The following ASIC2 variants were observed in gnomAD, a reference collection of about 807,000 sequenced individuals.
ASIC2 encodes the protein acid sensing ion channel subunit 2.
A neutral mutation model predicts 57.3 loss-of-function variants in ASIC2; 25 were observed. The observed-to-expected ratio is 0.44, with a 90% CI of 0.32 to 0.61. ASIC2 has a LOEUF of 0.61. Among genes scored for constraint, ASIC2 ranks in the 20% least tolerant of loss-of-function variants. The pLI, the probability that ASIC2 is intolerant of heterozygous loss-of-function variation, is 0.06. For missense variants in ASIC2, 641 were observed against 738.1 expected (o/e 0.87, Z 1.52); for synonymous variants, 319 against 307.5 (o/e 1.04, Z -0.39).
At chr17:33,923,024 A>G (rs1220069339) in intron 1 of ASIC2, among the ~76,000 whole-genome samples, 5 of 152,186 alleles carry the variant, frequency 3.3e-5, no homozygotes, top group African/African-American at 4.8e-5. Context: ...TCTATCCTAG[A>G]GAGGTTTAGT....
intron 1 of ASIC2, among the ~76,000 whole-genome samples, chr17:33,397,273 T>C (rs1280922222): frequency 2.0e-5 from 3 of 152,180 alleles, no homozygotes; most frequent in Non-Finnish European, 4.4e-5. Flanking sequence ...TCCCCTGGAA[T>C]ACAGTTTCTC....
intron 1 of ASIC2, among the ~76,000 whole-genome samples, chr17:33,998,813 T>C (rs1245635160): frequency 2.0e-5 from 3 of 152,166 alleles, no homozygotes; most frequent in African/African-American, 7.2e-5. Context: ...GAATGTTCCA[T>C]GTGCACTTGA....
At chr17:33,281,822 T>A (rs994713377) in intron 1 of ASIC2, among the ~76,000 whole-genome samples, 1 of 152,094 alleles carries the variant, frequency 6.6e-6, no homozygotes, top group Non-Finnish European at 1.5e-5. Flanking sequence ...TGAGTCTCAG[T>A]AAGGGTAAGC....
intron 1 of ASIC2, among the ~76,000 whole-genome samples, chr17:33,686,463 T>C (rs768091422): frequency 6.6e-6 from 1 of 152,182 alleles, no homozygotes; most frequent in East Asian, 1.9e-4. Flanking sequence ...GGCAAAGTCT[T>C]GGCCCATAGG....
intron 1 of ASIC2, among the ~76,000 whole-genome samples, chr17:33,387,048 C>T (rs1395575265): frequency 4.6e-5 from 7 of 151,962 alleles, no homozygotes; most frequent in Admixed American, 6.6e-5. Context: ...CCACCAAGCC[C>T]GGCTAATTTT....
chr17:33,312,975 A>G (rs769017135), intron 1 of ASIC2, among the ~76,000 whole-genome samples: 2 of 152,192 alleles, frequency 1.3e-5, no homozygotes, highest in Non-Finnish European at 2.9e-5. Context: ...ACGATCTTCC[A>G]TATTGGTGAA....
At chr17:34,082,279 AG>A (rs1173385065) in intron 1 of ASIC2, 3 of 152,194 alleles carry the variant, frequency 2.0e-5, no homozygotes, top group Non-Finnish European at 4.4e-5. Flanking sequence ...AGTGATCTCT[AG>A]GTATTGGAAT....
At chr17:33,235,650 G>A (rs1314112927) in intron 1 of ASIC2, among the ~76,000 whole-genome samples, 4 of 152,068 alleles carry the variant, frequency 2.6e-5, no homozygotes, top group East Asian at 1.9e-4. Context: ...CCCTGTCTAC[G>A]TCTTTGCAGA....
At chr17:33,310,376 G>T (rs1053617479) in intron 1 of ASIC2, among the ~76,000 whole-genome samples, 2 of 152,224 alleles carry the variant, frequency 1.3e-5, no homozygotes, top group Admixed American at 6.5e-5. Context: ...GACCTCTAGG[G>T]TTTGTGTTTC....
rs192091243 is a variant in ASIC2, at chr17:33,511,832, G to A, written c.556-399765C>T. 2.4e-3 allele frequency among the ~76,000 whole-genome samples: 367 copies of A among 152,340 alleles called. 8 individuals carry two copies. Among genetic ancestry groups the A allele is most frequent in the Admixed American group, 0.019 (297 of 15,302 alleles). The stretch of plus-strand genomic sequence containing the variant: ...GTCCCTAACAAGGCAGGATGTGGGT[G>A]CTCTGTATATAGTAGGTTTGGAGGC... On this transcript the variant is annotated intron_variant, in intron 1 of 9. Transcript: ENST00000359872.
chr17:33,605,648 G>A (rs1597805042), intron 1 of ASIC2, among the ~76,000 whole-genome samples: 1 of 152,288 alleles, frequency 6.6e-6, no homozygotes, highest in East Asian at 1.9e-4. Flanking sequence ...TGGCAACAAT[G>A]TATACTATTG....
intron 1 of ASIC2, among the ~76,000 whole-genome samples, chr17:33,220,008 G>T (rs1907633735): frequency 6.6e-6 from 1 of 152,158 alleles, no homozygotes; most frequent in African/African-American, 2.4e-5. Flanking sequence ...TCAATAAAAA[G>T]CAGCATTTAA....
chr17:33,444,974 C>T (rs1351054822), intron 1 of ASIC2, among the ~76,000 whole-genome samples: 1 of 152,222 alleles, frequency 6.6e-6, no homozygotes, highest in African/African-American at 2.4e-5. Context: ...TTTCCTGCTA[C>T]ATGGACAGCA....
chr17:33,426,470 G>A (rs921108149), intron 1 of ASIC2, among the ~76,000 whole-genome samples: 14 of 152,214 alleles, frequency 9.2e-5, no homozygotes, highest in African/African-American at 2.9e-4. Flanking sequence ...TGGCTGTTTC[G>A]TTGGTGGGGA....
chr17:33,439,961 G>C (rs1041013796), intron 1 of ASIC2, among the ~76,000 whole-genome samples: 59 of 152,182 alleles, frequency 3.9e-4, no homozygotes, highest in African/African-American at 1.4e-3. Flanking sequence ...AGAGCAGGAC[G>C]ACTGTATTCG....
At chr17:33,189,429 G>A (rs1047834154) in intron 1 of ASIC2, among the ~76,000 whole-genome samples, 2 of 152,118 alleles carry the variant, frequency 1.3e-5, no homozygotes, top group East Asian at 3.9e-4. Flanking sequence ...GACCAGATGG[G>A]CCAAAAGGAA....
At chr17:33,228,962 G>A (rs752903201) in intron 1 of ASIC2, among the ~76,000 whole-genome samples, 1 of 152,216 alleles carries the variant, frequency 6.6e-6, no homozygotes, top group Non-Finnish European at 1.5e-5. Context: ...CCTGAGCTGA[G>A]GTTGGGGAAG....
chr17:33,080,191 C>T (rs1229581448), intron 3 of ASIC2, among the ~76,000 whole-genome samples: 2 of 151,858 alleles, frequency 1.3e-5, no homozygotes, highest in Non-Finnish European at 2.9e-5. Context: ...ATGAAGGGGG[C>T]CAAGGCAGAG....
chr17:33,806,608 T>C (rs1395143834), intron 1 of ASIC2, among the ~76,000 whole-genome samples: 1 of 152,242 alleles, frequency 6.6e-6, no homozygotes, highest in Non-Finnish European at 1.5e-5. Flanking sequence ...TCTTAATTCC[T>C]AAACCAGGTG....
Sources: allele counts gnomAD v4.1 joint callset (sites outside exome capture counted in the v4.1 genomes callset), GRCh38; gene constraint gnomAD v4.1.1; transcripts MANE v1.5; gene names NCBI Gene and HGNC (gene_info 2026-07-23, HGNC 2026-07-21).